Variants in ADAM7 observed in about 807,000 individuals in gnomAD.
The protein encoded by ADAM7 is disintegrin and metalloproteinase domain-containing protein 7.
A neutral mutation model predicts 102.9 loss-of-function variants in ADAM7; 97 were observed. The ratio of observed to expected loss-of-function variants is 0.94; its 90% confidence interval spans 0.80 to 1.12. ADAM7 has a LOEUF of 1.12. ADAM7 is among the 50% of genes most tolerant of loss of function. The pLI, the probability that ADAM7 is intolerant of heterozygous loss-of-function variation, is 0.00. For synonymous variants in ADAM7, 334 were observed against 304.4 expected (o/e 1.10, Z -1.01); for missense variants, 991 against 908.7 (o/e 1.09, Z -1.16).
At chr8:24,486,394 A>T (rs2129389883) in intron 10 of ADAM7, among the ~76,000 whole-genome samples, 1 of 152,330 alleles carries the variant, frequency 6.6e-6, no homozygotes, top group African/African-American at 2.4e-5. Context: ...CGTCTTTAAG[A>T]TTGTATAGCA....
intron 3 of ADAM7, among the ~76,000 whole-genome samples, chr8:24,457,413 C>T (rs1819074291): frequency 6.6e-6 from 1 of 152,052 alleles, no homozygotes; most frequent in South Asian, 2.1e-4. Context: ...GTAGCTGGGA[C>T]TGCAGGCATC....
intron 11 of ADAM7, among the ~76,000 whole-genome samples, 184 bp downstream of exon 11, chr8:24,487,501 C>A (rs1307525577): frequency 6.6e-6 from 1 of 151,830 alleles, no homozygotes; most frequent in Non-Finnish European, 1.5e-5. Context: ...ACAAAATTAG[C>A]CAGGCTGGTG....
At chr8:24,466,484 TCA>T (rs1357892020) in intron 5 of ADAM7, among the ~76,000 whole-genome samples, 1 of 152,172 alleles carries the variant, frequency 6.6e-6, no homozygotes, top group African/African-American at 2.4e-5. Context: ...ACATAGAAAC[TCA>T]CATAATTTTT....
At chr8:24,443,436 T>A (rs1383238771) in intron 2 of ADAM7, among the ~76,000 whole-genome samples, 1 of 152,210 alleles carries the variant, frequency 6.6e-6, no homozygotes, top group African/African-American at 2.4e-5. Context: ...ACTCTCCGTC[T>A]CCTCCCGTTT....
At chr8:24,442,269 T>C (rs1299398760) in intron 1 of ADAM7, among the ~76,000 whole-genome samples, 3 of 152,206 alleles carry the variant, frequency 2.0e-5, no homozygotes, top group Non-Finnish European at 2.9e-5. Context: ...CTTTGGCTCC[T>C]TTCCAAGTTT....
At chr8:24,503,821 A>G (rs1820847908) in intron 20 of ADAM7, among the ~76,000 whole-genome samples, 1 of 152,052 alleles carries the variant, frequency 6.6e-6, no homozygotes, top group Non-Finnish European at 1.5e-5. Flanking sequence ...GTGGGAGTTG[A>G]GCAATGAGAA....
intron 6 of ADAM7, among the ~76,000 whole-genome samples, chr8:24,468,543 GAACA>G (rs1365146120): frequency 1.3e-5 from 2 of 151,674 alleles, no homozygotes; most frequent in Non-Finnish European, 2.9e-5. Context: ...AGAAAAAAAA[GAACA>G]AATAGAAAAT....
chr8:24,449,250 C>T (rs1241656125), intron 3 of ADAM7, among the ~76,000 whole-genome samples: 1 of 152,206 alleles, frequency 6.6e-6, no homozygotes, highest in East Asian at 1.9e-4. Flanking sequence ...AATGGTTGAA[C>T]TAGTTTACAG....
chr8:24,508,704 T>G lies in ADAM7; in HGVS notation c.*158T>G. On this transcript the variant is annotated 3_prime_UTR_variant, in exon 22 of 22. Transcript: ENST00000175238. ...GACAATGTTTAAGAGAAACAACTTA[T>G]TTCTGTTAATATTTACCGGTAGAAT... 2.1e-6 allele frequency: 3 copies of G among 1,462,748 alleles called. No individual in the cohort carries two copies. The highest frequency in any genetic ancestry group is 1.8e-6 in the Non-Finnish European group (2 of 1,103,400). 90.6% of individuals were successfully genotyped at this position (1,462,748 alleles called of 1,614,324 possible).
rs778765479 is a variant in ADAM7, at chr8:24,463,885, G to A, written c.237G>A (p.Glu79=). The A allele has an allele frequency of 4.3e-6, 7 of 1,613,112 alleles. No individual in the cohort carries two copies. The African/African-American group carries it at 5.3e-5, about 12-fold the overall frequency. The part of the protein sequence containing the change: ...TLVLHLLRSR[E]FLGSNYSETF... ...ACCTGTCTGCCCTCTTTTTCAGGGA[G>A]TTCCTAGGCTCAAATTACAGTGAAA... The change falls in exon 4 of 22, where the codon GAG becomes GAA. Residue 79 remains glutamate (E), a synonymous_variant. Coordinates refer to ENST00000175238, the MANE Select transcript of ADAM7 (RefSeq NM_003817.4).
At position 24,507,505 on chromosome 8, in the gene ADAM7, G is replaced by A. The variant is rs762591160; in HGVS notation, c.2234G>A (p.Gly745Glu). 1 of 1,612,856 alleles carries A rather than the reference G, an allele frequency of 6.2e-7. No homozygotes were observed. Among genetic ancestry groups the A allele is most frequent in the Admixed American group, 1.7e-5 (1 of 59,942 alleles). The part of the protein sequence containing the change: ...LNKPASKDSR[G>E]IADPNQSAK The stretch of plus-strand genomic sequence containing the variant: ...AAACCTGCAAGTAAAGATTCAAGAG[G>A]AATCGCAGATCCCAATCAAAGTGCC... Residue 745 changes from glycine (G) to glutamate (E), a missense_variant, in exon 21 of 22, where the codon GGA (glycine) becomes GAA (glutamate). Transcript: ENST00000175238.
intron 20 of ADAM7, among the ~76,000 whole-genome samples, chr8:24,502,102 G>A (rs144786780): frequency 2.0e-5 from 3 of 152,180 alleles, no homozygotes; most frequent in Non-Finnish European, 2.9e-5. Flanking sequence ...TACAATAGAA[G>A]TAAGTAATGG....
At chr8:24,471,744 A>G (rs986874132) in intron 7 of ADAM7, among the ~76,000 whole-genome samples, 1 of 152,040 alleles carries the variant, frequency 6.6e-6, no homozygotes, top group African/African-American at 2.4e-5. Flanking sequence ...ATGTATAACT[A>G]TATTACATAT....
chr8:24,453,585 C>T (rs1818885048), intron 3 of ADAM7, among the ~76,000 whole-genome samples: 4 of 152,220 alleles, frequency 2.6e-5, no homozygotes, highest in Admixed American at 1.3e-4. Context: ...ACTTCTTTGC[C>T]TTTGGTTTGA....
At position 24,508,558 on chromosome 8, in the gene ADAM7, G is replaced by A. The variant is rs942589813; in HGVS notation, c.*12G>A. ...TGTTTCTATTTAGAGCTTGAAGTTGGATATCCAAAATGGCCGTGCAAGCTT... is the reference window on the plus strand; with the variant it reads ...TGTTTCTATTTAGAGCTTGAAGTTGAATATCCAAAATGGCCGTGCAAGCTT... On this transcript the variant is annotated 3_prime_UTR_variant, in exon 22 of 22. Coordinates refer to ENST00000175238, the MANE Select transcript of ADAM7 (RefSeq NM_003817.4). 5 of 1,613,382 alleles carry A rather than the reference G, an allele frequency of 3.1e-6. No homozygotes were observed. Among genetic ancestry groups the A allele is most frequent in the Admixed American group, 3.3e-5 (2 of 59,946 alleles).
chr8:24,482,475 C>T (rs1376041059), intron 9 of ADAM7, among the ~76,000 whole-genome samples, 164 bp downstream of exon 9: 1 of 152,052 alleles, frequency 6.6e-6, no homozygotes, highest in Admixed American at 6.6e-5. Flanking sequence ...AAGCAAGGAA[C>T]CGTAGCATAT....
chr8:24,457,034 T>C (rs1819059799), intron 3 of ADAM7, among the ~76,000 whole-genome samples: 1 of 152,214 alleles, frequency 6.6e-6, no homozygotes, highest in African/African-American at 2.4e-5. Flanking sequence ...GACAGATTCT[T>C]TTCCAAGGTG....
At chr8:24,507,613 A>G (rs1265256927) in intron 21 of ADAM7, 78 bp downstream of exon 21, 1 of 1,245,322 alleles carries the variant, frequency 8.0e-7, no homozygotes, top group African/African-American at 1.5e-5. Context: ...TTACCAACTC[A>G]TTGATTTACT....
chr8:24,444,660 T>G (rs1055539691), intron 2 of ADAM7, among the ~76,000 whole-genome samples: 3 of 150,214 alleles, frequency 2.0e-5, no homozygotes, highest in East Asian at 2.0e-4. Flanking sequence ...TGACAGATAC[T>G]CCCCATAAAG....
Sources: allele counts gnomAD v4.1 joint callset (sites outside exome capture counted in the v4.1 genomes callset), GRCh38; gene constraint gnomAD v4.1.1; transcripts MANE v1.5; gene names NCBI Gene and HGNC (gene_info 2026-07-23, HGNC 2026-07-21).